MAD1L1: variants seen among roughly 807,000 people sequenced by gnomAD.
MAD1L1 encodes mitotic arrest deficient 1 like 1, also known as mitotic spindle assembly checkpoint protein MAD1.
MAD1L1 carries 95 observed loss-of-function variants against 96.9 expected under a neutral mutation model. That is an observed-to-expected ratio of 0.98 (90% CI 0.83 to 1.16). The LOEUF is 1.16. Ranked by LOEUF, MAD1L1 falls within the 50% of genes most tolerant of loss-of-function variation. MAD1L1 has a pLI of 0.00. For missense variants in MAD1L1, 1,007 were observed against 954.4 expected (o/e 1.06, Z -0.73); for synonymous variants, 473 against 396.6 (o/e 1.19, Z -2.29).
intron 10 of MAD1L1, among the ~76,000 whole-genome samples, chr7:2,163,425 G>A (rs1319288013): frequency 6.6e-6 from 1 of 152,208 alleles, no homozygotes; most frequent in Non-Finnish European, 1.5e-5. Flanking sequence ...CCAGGCTGGA[G>A]TGCAGTGGCA....
chr7:2,027,369 A>G (rs958628353), intron 12 of MAD1L1, among the ~76,000 whole-genome samples: 1 of 152,228 alleles, frequency 6.6e-6, no homozygotes, highest in Non-Finnish European at 1.5e-5. Context: ...CAGAAAAGCC[A>G]TAACATCACA....
At chr7:1,831,999 G>A (rs1239264125) in intron 18 of MAD1L1, among the ~76,000 whole-genome samples, 1 of 152,192 alleles carries the variant, frequency 6.6e-6, no homozygotes, top group South Asian at 2.1e-4. Context: ...CTAGATCAAG[G>A]GACAATTGAC....
intron 16 of MAD1L1, among the ~76,000 whole-genome samples, chr7:1,948,861 C>A (rs960831131): frequency 6.6e-5 from 10 of 152,152 alleles, no homozygotes; most frequent in African/African-American, 2.4e-4. Context: ...CCTGATGGCA[C>A]CCAGCAAGGC....
intron 18 of MAD1L1, among the ~76,000 whole-genome samples, chr7:1,834,540 C>T (rs1782854099): frequency 6.6e-6 from 1 of 152,132 alleles, no homozygotes; most frequent in South Asian, 2.1e-4. Flanking sequence ...AATGGACAAA[C>T]TTCTGAAGAT....
At chr7:1,888,395 C>T (rs1786296350) in intron 18 of MAD1L1, among the ~76,000 whole-genome samples, 1 of 139,936 alleles carries the variant, frequency 7.1e-6, no homozygotes, top group Non-Finnish European at 1.5e-5. Context: ...CGTGTGTGTG[C>T]ATGCGTGTGG....
At chr7:1,969,623 G>A (rs956460435) in intron 15 of MAD1L1, among the ~76,000 whole-genome samples, 6 of 152,194 alleles carry the variant, frequency 3.9e-5, no homozygotes, top group Admixed American at 1.3e-4. Flanking sequence ...AAACCCTAAA[G>A]AAGCTGCAAA....
intron 13 of MAD1L1, among the ~76,000 whole-genome samples, chr7:2,011,779 T>C (rs1326248988): frequency 6.6e-6 from 1 of 152,138 alleles, no homozygotes; most frequent in Non-Finnish European, 1.5e-5. Context: ...AAGACCTCTC[T>C]GGAATCTGTG....
chr7:1,957,544 G>T, intron 16 of MAD1L1, 85 bp downstream of exon 16: 1 of 1,323,780 alleles, frequency 7.6e-7, no homozygotes, highest in Non-Finnish European at 1.1e-6. Context: ...GGTGTTCTGT[G>T]GCAGCAGGAA....
intron 17 of MAD1L1, among the ~76,000 whole-genome samples, chr7:1,932,634 G>A (rs556730041): frequency 6.6e-6 from 1 of 152,346 alleles, no homozygotes; most frequent in South Asian, 2.1e-4. Flanking sequence ...AGTTCTCAGG[G>A]TCTTCCTTTC....
chr7:2,205,526 C>T (rs1289469936), intron 10 of MAD1L1, among the ~76,000 whole-genome samples: 2 of 152,186 alleles, frequency 1.3e-5, no homozygotes, highest in African/African-American at 2.4e-5. Context: ...TCATTGCATC[C>T]CCAACACAAC....
At chr7:2,096,664 C>T (rs900047323) in intron 11 of MAD1L1, among the ~76,000 whole-genome samples, 1 of 152,160 alleles carries the variant, frequency 6.6e-6, no homozygotes, top group African/African-American at 2.4e-5. Flanking sequence ...ACAGGAGGAA[C>T]GAGGCCAGAC....
intron 18 of MAD1L1, chr7:1,817,215 G>C (rs1245564393): frequency 1.3e-5 from 2 of 152,138 alleles, no homozygotes; most frequent in Admixed American, 6.5e-5. Flanking sequence ...AGGGGAATCA[G>C]ACCCTCCGCG....
chr7:1,856,521 G>A (rs1219402373), intron 18 of MAD1L1, among the ~76,000 whole-genome samples: 3 of 152,366 alleles, frequency 2.0e-5, no homozygotes, highest in Non-Finnish European at 4.4e-5. Context: ...CTGGCTACGA[G>A]CAGGTAATTT....
At chr7:2,060,037 C>G (rs1163206597) in intron 12 of MAD1L1, among the ~76,000 whole-genome samples, 1 of 151,960 alleles carries the variant, frequency 6.6e-6, no homozygotes, top group Non-Finnish European at 1.5e-5. Flanking sequence ...CAAGATACGC[C>G]GATGCCGAGA....
At chr7:1,941,793 G>C (rs1779013336) in intron 16 of MAD1L1, among the ~76,000 whole-genome samples, 1 of 152,268 alleles carries the variant, frequency 6.6e-6, no homozygotes, top group African/African-American at 2.4e-5. Context: ...CCGCTGACCA[G>C]GGCTGAGAAC....
intron 10 of MAD1L1, among the ~76,000 whole-genome samples, chr7:2,168,906 T>C (rs916104262): frequency 6.6e-6 from 1 of 152,124 alleles, no homozygotes; most frequent in Non-Finnish European, 1.5e-5. Flanking sequence ...AGGAACACGC[T>C]AAGGAGCCAG....
At chr7:1,914,541 G>A (rs1315521562) in intron 17 of MAD1L1, among the ~76,000 whole-genome samples, 2 of 152,334 alleles carry the variant, frequency 1.3e-5, no homozygotes, top group Admixed American at 6.5e-5. Flanking sequence ...GAAACGAACC[G>A]GCCCTGATGA....
At chr7:1,998,728 C>G (rs893397810) in intron 14 of MAD1L1, among the ~76,000 whole-genome samples, 1 of 127,918 alleles carries the variant, frequency 7.8e-6, no homozygotes, top group Admixed American at 8.2e-5. Context: ...CCCCCACCAA[C>G]CCCCTGCCAA....
At chr7:2,109,802 T>C (rs186862890) in intron 11 of MAD1L1, among the ~76,000 whole-genome samples, 54 of 152,372 alleles carry the variant, frequency 3.5e-4, no homozygotes, top group Non-Finnish European at 6.9e-4. Context: ...TTTTGGACAA[T>C]CTGCTAAATA....
Sources: gnomAD v4.1 joint callset for allele counts (sites outside exome capture counted in the v4.1 genomes callset) on GRCh38, gnomAD v4.1.1 for gene constraint, MANE v1.5 for transcripts, NCBI Gene and HGNC (gene_info 2026-07-23, HGNC 2026-07-21) for gene names.